Variants in DTNB observed in about 807,000 individuals in gnomAD.
DTNB encodes dystrobrevin beta, also known as DTN-B.
Under a neutral mutation model 90.7 loss-of-function variants are expected in DTNB, and 63 were observed. The observed-to-expected ratio is 0.69, with a 90% CI of 0.57 to 0.86. The LOEUF is 0.86. Ranked by LOEUF, DTNB falls within the 40% of genes least tolerant of loss-of-function variation. The pLI, the probability that DTNB is intolerant of heterozygous loss-of-function variation, is 0.00. For synonymous variants in DTNB, 277 were observed against 286.7 expected, an observed-to-expected ratio of 0.97 and a Z score of 0.34; for missense variants, 744 against 807.1, an observed-to-expected ratio of 0.92 and a Z score of 0.95.
At position 25,628,329 on chromosome 2, in the gene DTNB, A is replaced by G. The variant is rs1219489640; in HGVS notation, c.204T>C (p.Asn68=). 1 of 1,613,706 alleles carries G rather than the reference A, an allele frequency of 6.2e-7. No individual in the cohort carries two copies. Among genetic ancestry groups the G allele is most frequent in the Non-Finnish European group, 8.5e-7 (1 of 1,179,866 alleles). The change falls in exon 4 of 21, where the codon AAT becomes AAC. Residue 68 remains asparagine, a synonymous_variant. Coordinates refer to ENST00000406818, the MANE Select transcript of DTNB (RefSeq NM_021907.5). ...MIEAFRDNGL[N]TLDHTTEISV... ...TGATCTCGGTGGTATGGTCCAGTGT[A>G]TTAAGGCCATTGTCTCGGAAGGCTT...
At position 25,387,046 on chromosome 2, in the gene DTNB, C is replaced by T. The variant is rs2039667734; in HGVS notation, c.1825+243G>A. The T allele has an allele frequency of 2.1e-6, 1 of 471,302 alleles. No homozygotes were observed. Among genetic ancestry groups the T allele is most frequent in the African/African-American group, 1.9e-5 (1 of 52,262 alleles). The allele number at this position is 471,302 out of a possible 1,614,324, so 29.2% of individuals were successfully genotyped here. A position where few individuals can be genotyped will look rare whatever the true frequency, so the allele number is the denominator to read the frequency against. On this transcript the variant is annotated intron_variant, in intron 18 of 20. Coordinates refer to ENST00000406818, the MANE Select transcript of DTNB (RefSeq NM_021907.5). This position sits in a 1 kb window ranked among gnomAD's most constrained non-coding sequence, Gnocchi z 4.5. ...TGAAAGGTCTGAATTTCTCTACATT[C>T]AGCTTGCTCCACAAGATGCACTCCT...
At position 25,628,290 on chromosome 2, in the gene DTNB, G is replaced by C. The variant is rs541942564; in HGVS notation, c.243C>G (p.Leu81=). The change falls in exon 4 of 21, where the codon CTC becomes CTG. Residue 81 remains leucine (L), a synonymous_variant. Transcript: ENST00000406818. ...AGTAGATGGAGGAGATGACAGTTTC[G>C]AGGCGGGACACACTGATCTCGGTGG... ...DHTTEISVSR[L]ETVISSIYYQ... 4 of 1,613,320 alleles carry C rather than the reference G, an allele frequency of 2.5e-6. No individual in the cohort carries two copies. The highest frequency in any genetic ancestry group is 3.4e-6 in the Non-Finnish European group (4 of 1,179,804).
rs1224330892 is a variant in DTNB, at chr2:25,634,646, T to C, written c.148+4368A>G. Among the ~76,000 whole-genome samples the C allele has an allele frequency of 4.3e-5, 5 of 115,506 alleles. 1 individual carries two copies. Among genetic ancestry groups the C allele is most frequent in the Non-Finnish European group, 6.1e-5 (3 of 48,888 alleles). 75.8% of individuals were successfully genotyped at this position (115,506 alleles called of 152,430 possible). A position where few individuals can be genotyped will look rare whatever the true frequency, so the allele number is the denominator to read the frequency against. On this transcript the variant is annotated intron_variant, in intron 3 of 20. Coordinates refer to ENST00000406818, the MANE Select transcript of DTNB (RefSeq NM_021907.5). Reference sequence around the variant, plus strand: ...AAAGGTGGGGAAAAGATTGAGAGGTTGGATGGTTGCCGTGTCTGTGTAGAA... The same window carrying C: ...AAAGGTGGGGAAAAGATTGAGAGGTCGGATGGTTGCCGTGTCTGTGTAGAA...
intron 15 of DTNB, among the ~76,000 whole-genome samples, chr2:25,423,951 T>C (rs2050677543): frequency 6.6e-6 from 1 of 152,230 alleles, no homozygotes; most frequent in Non-Finnish European, 1.5e-5. Flanking sequence ...TGAGTCACTG[T>C]ACCTGGCCTA....
intron 1 of DTNB, among the ~76,000 whole-genome samples, chr2:25,669,171 T>A (rs544180705): frequency 6.6e-6 from 1 of 152,254 alleles, no homozygotes; most frequent in East Asian, 1.9e-4. Context: ...TTGGGGATGA[T>A]GAAAAAGCTC....
intron 7 of DTNB, among the ~76,000 whole-genome samples, chr2:25,577,884 C>A (rs140559273): frequency 0.023 from 3,472 of 152,216 alleles, 135 homozygotes; most frequent in African/African-American, 0.077. Context: ...CCTGTAATCC[C>A]AGCTACTTGG....
chr2:25,449,187 T>C (rs1054347954), intron 12 of DTNB, among the ~76,000 whole-genome samples: 4 of 152,236 alleles, frequency 2.6e-5, no homozygotes, highest in Admixed American at 6.5e-5. Context: ...TATTCCTTTT[T>C]GTGTTGAGAC....
At chr2:25,633,050 T>C (rs1467035223) in intron 3 of DTNB, among the ~76,000 whole-genome samples, 1 of 152,184 alleles carries the variant, frequency 6.6e-6, no homozygotes, top group Non-Finnish European at 1.5e-5. Flanking sequence ...AAATCAAAGA[T>C]TCTACAGATA....
intron 9 of DTNB, among the ~76,000 whole-genome samples, chr2:25,491,954 G>C (rs1404956842): frequency 6.6e-6 from 1 of 151,812 alleles, no homozygotes; most frequent in African/African-American, 2.4e-5. Context: ...AGGTCACAGA[G>C]CCAAATCGTG....
At chr2:25,551,448 G>A (rs563853947) in intron 8 of DTNB, among the ~76,000 whole-genome samples, 3 of 152,278 alleles carry the variant, frequency 2.0e-5, no homozygotes, top group South Asian at 4.1e-4. Context: ...CACTTGCAAT[G>A]TGAGTCAACA....
chr2:25,473,536 A>G (rs886106319), intron 10 of DTNB, among the ~76,000 whole-genome samples: 3 of 152,220 alleles, frequency 2.0e-5, no homozygotes, highest in Non-Finnish European at 4.4e-5. Flanking sequence ...ACATAGTAAG[A>G]GAGGAAGAGA....
At chr2:25,555,291 C>CAAA (rs1194525010) in intron 8 of DTNB, among the ~76,000 whole-genome samples, 13 of 53,926 alleles carry the variant, frequency 2.4e-4, no homozygotes, top group African/African-American at 6.4e-4. Context: ...ACTCCGTCTC[C>CAAA]AAAAAAAAAA....
intron 3 of DTNB, among the ~76,000 whole-genome samples, chr2:25,638,484 G>A (rs1459719760): frequency 2.0e-5 from 3 of 152,062 alleles, no homozygotes; most frequent in Non-Finnish European, 4.4e-5. Context: ...ATTCTGTCAC[G>A]AGCTAGTTCA....
At chr2:25,639,954 G>A (rs181187713) in intron 2 of DTNB, among the ~76,000 whole-genome samples, 452 of 152,318 alleles carry the variant, frequency 3.0e-3, no homozygotes, top group African/African-American at 0.01. Context: ...TGCCAAACGC[G>A]CAGGCGAGCG....
At position 25,596,102 on chromosome 2, in the gene DTNB, G is replaced by A. The variant is rs1460133269; in HGVS notation, c.587C>T (p.Thr196Ile). 3.7e-6 allele frequency: 6 copies of A among 1,610,954 alleles called. No individual in the cohort carries two copies. The highest frequency in any genetic ancestry group is 1.3e-5 in the African/African-American group (1 of 74,622). The change falls in exon 6 of 21, where the codon ACC becomes ATC. Residue 196 changes from threonine (T) to isoleucine (I), a missense_variant. By Grantham distance (89) the Thr-to-Ile change is moderately conservative. Transcript: ENST00000406818. ...SFGYTEHSVR[T>I]CFPQQRKIML... ...TGTCCTTACCTGCTGTGGAAAACAGGTGCGGACTGAGTGCTCTGTGTAACC... is the reference window on the plus strand; with the variant it reads ...TGTCCTTACCTGCTGTGGAAAACAGATGCGGACTGAGTGCTCTGTGTAACC...
intron 7 of DTNB, among the ~76,000 whole-genome samples, chr2:25,580,474 T>C (rs934773219): frequency 2.0e-5 from 3 of 151,030 alleles, no homozygotes; most frequent in African/African-American, 4.9e-5. Flanking sequence ...TGAGCCAGGA[T>C]TGCACCACAG....
chr2:25,575,450 C>T (rs2060517945), intron 8 of DTNB, among the ~76,000 whole-genome samples: 1 of 151,626 alleles, frequency 6.6e-6, no homozygotes, highest in Non-Finnish European at 1.5e-5. Context: ...GAATTCACAA[C>T]ACAACAAGAC....
chr2:25,538,513 G>A (rs753046574), intron 8 of DTNB, among the ~76,000 whole-genome samples: 22 of 152,228 alleles, frequency 1.4e-4, no homozygotes, highest in Non-Finnish European at 2.2e-4. Flanking sequence ...GTGCAATGGC[G>A]TGATCTCGGC....
intron 3 of DTNB, among the ~76,000 whole-genome samples, chr2:25,637,754 G>A (rs569027618): frequency 6.6e-6 from 1 of 152,318 alleles, no homozygotes; most frequent in African/African-American, 2.4e-5. Context: ...CTTTTACGCT[G>A]CTGGTGGGAC....
Sources: allele counts gnomAD v4.1 joint callset (sites outside exome capture counted in the v4.1 genomes callset), GRCh38; gene constraint gnomAD v4.1.1; non-coding constraint Gnocchi (gnomAD v3.1); transcripts MANE v1.5; gene names NCBI Gene and HGNC (gene_info 2026-07-23, HGNC 2026-07-21).